GPR132: variants seen among roughly 807,000 people sequenced by gnomAD.
GPR132 encodes probable G protein-coupled receptor 132.
GPR132 carries 4 observed loss-of-function variants against 1.9 expected under a neutral mutation model. The ratio of observed to expected loss-of-function variants is 2.13; its 90% CI spans 1.05 to 4.87. The LOEUF (loss-of-function observed/expected upper bound fraction) is 4.87. GPR132 is among the 30% of genes most tolerant of loss of function. The pLI, the probability that GPR132 is intolerant of heterozygous loss-of-function variation, is 0.01. For missense variants in GPR132, 404 were observed against 512.5 expected, an observed-to-expected ratio of 0.79 and a Z score of 2.04; for synonymous variants, 233 against 234.2, an observed-to-expected ratio of 0.99 and a Z score of 0.05.
rs1886885762 is a variant in GPR132, at chr14:105,059,484, T to A, written c.-860-2204A>T. Among the ~76,000 whole-genome samples the A allele has an allele frequency of 6.6e-6, 1 of 152,146 alleles. No homozygotes were observed. Among genetic ancestry groups the A allele is most frequent in the African/African-American group, 2.4e-5 (1 of 41,424 alleles). On this transcript the variant is annotated intron_variant, in intron 1 of 3. Transcript: ENST00000329797. This position sits in a 1 kb window ranked among gnomAD's most constrained non-coding sequence, Gnocchi z 4.2. ...CTGGCGTTCTATTCAGTCATCCCTC[T>A]GCTCACTGAGACAGATGCATATTCT...
chr14:105,051,912 G>C lies in GPR132; in HGVS notation c.225C>G (p.Asn75Lys). ...WLALLQVLQG[N>K]VLAVYLLCLA... is the part of the protein sequence containing the mutation. ...GGCAGAGCAGGTAGACGGCCAGCAC[G>C]TTGCCCTGCAGTACCTGCAGCAGCG... Residue 75 changes from asparagine (N) to lysine (K), a missense_variant, in exon 4 of 4, where the codon AAC becomes AAG. By Grantham distance (94) the Asn-to-Lys change is moderately conservative. Coordinates refer to ENST00000329797, the MANE Select transcript of GPR132 (RefSeq NM_013345.4). This position sits in a 1 kb window ranked among gnomAD's most constrained non-coding sequence, Gnocchi z 8.0. 1 of 1,613,524 alleles carries C rather than the reference G, an allele frequency of 6.2e-7. No individual in the cohort carries two copies. Among genetic ancestry groups the C allele is most frequent in the Non-Finnish European group, 8.5e-7 (1 of 1,179,906 alleles).
At position 105,059,468 on chromosome 14, in the gene GPR132, T is replaced by C. The variant is rs1886885169; in HGVS notation, c.-860-2188A>G. On this transcript the variant is annotated intron_variant, in intron 1 of 3. Transcript: ENST00000329797. This position sits in a 1 kb window ranked among gnomAD's most constrained non-coding sequence, Gnocchi z 4.2. Reference sequence around the variant, plus strand: ...CTCAGCGCCGATCTGCCTGGCGTTCTATTCAGTCATCCCTCTGCTCACTGA... The same window carrying C: ...CTCAGCGCCGATCTGCCTGGCGTTCCATTCAGTCATCCCTCTGCTCACTGA... Among the ~76,000 whole-genome samples, 1 of 152,174 alleles carries C rather than the reference T, an allele frequency of 6.6e-6. No homozygotes were observed. The highest frequency in any genetic ancestry group is 6.5e-5 in the Admixed American group (1 of 15,286).
chr14:105,054,426 T>A, intron 3 of GPR132: 1 of 921,238 alleles, frequency 1.1e-6, no homozygotes, highest in Admixed American at 9.3e-5. Flanking sequence ...TCTTTTTTTT[T>A]CTTTTTTTTT....
intron 3 of GPR132, chr14:105,054,302 T>A: frequency 9.4e-7 from 1 of 1,067,964 alleles, no homozygotes; most frequent in Non-Finnish European, 1.1e-6. Flanking sequence ...ACCTTCCACA[T>A]GCAAATGTCG....
In GPR132 at chr14:105,060,931, C is replaced by A. The variant is rs1180935058; in HGVS notation, c.-860-3651G>T. 6.6e-6 allele frequency among the ~76,000 whole-genome samples: 1 copy of A among 152,246 alleles called. No homozygotes were observed. Among genetic ancestry groups the A allele is most frequent in the African/African-American group, 2.4e-5 (1 of 41,470 alleles). ...GCTCACAGCGAGGCCCCTCTGGGAT[C>A]CAGGCCTGTATGTTGAGAGCAGAGA... On this transcript the variant is annotated intron_variant, in intron 1 of 3. Coordinates refer to ENST00000329797, the MANE Select transcript of GPR132 (RefSeq NM_013345.4). The surrounding 1 kb of genome is among the most constrained non-coding windows in gnomAD (Gnocchi z 6.3).
intron 1 of GPR132, among the ~76,000 whole-genome samples, chr14:105,063,153 T>A (rs949191412): frequency 2.1e-4 from 32 of 152,146 alleles, no homozygotes; most frequent in African/African-American, 7.2e-4. Context: ...GCTCCTGGGC[T>A]CAAGAAATCC....
rs376245782 is a variant in GPR132 at position 105,051,476 on chromosome 14, G to A, written c.661C>T (p.Arg221Trp). The A allele has an allele frequency of 1.1e-5, 18 of 1,614,042 alleles. No homozygotes were observed. Among genetic ancestry groups the A allele is most frequent in the Middle Eastern group, 1.6e-4 (1 of 6,062 alleles). The change falls in exon 4 of 4, where the codon CGG becomes TGG. Residue 221 changes from arginine (R) to tryptophan (W), a missense_variant. Transcript: ENST00000329797. The surrounding 1 kb of genome is among the most constrained non-coding windows in gnomAD (Gnocchi z 8.0). ...CTCTGCTTGATGCTCCTGAAAATCC[G>A]GTGGTTGGTGAAGGCGATGATGGAG... The part of the protein sequence containing the change: ...PLSIIAFTNH[R>W]IFRSIKQSMG...
chr14:105,062,122 G>A lies in GPR132; in HGVS notation c.-861+3257C>T, dbSNP rs895921452. Among the ~76,000 whole-genome samples, 10 of 152,208 alleles carry A rather than the reference G, an allele frequency of 6.6e-5. 1 individual carries two copies. Among genetic ancestry groups the A allele is most frequent in the Non-Finnish European group, 1.2e-4 (8 of 68,040 alleles). On this transcript the variant is annotated intron_variant, in intron 1 of 3. Coordinates refer to ENST00000329797, the MANE Select transcript of GPR132 (RefSeq NM_013345.4). ...CATGATGGCCATGGTGAGGTCCCTC[G>A]GATGACTCCAGCCACAAGACCACAG...
In GPR132 at chr14:105,055,455, G is replaced by A. The variant is rs372588939; in HGVS notation, c.-35C>T. 12 of 779,876 alleles carry A rather than the reference G, an allele frequency of 1.5e-5. No individual in the cohort carries two copies. Among genetic ancestry groups the A allele is most frequent in the African/African-American group, 6.8e-5 (4 of 59,240 alleles). 48.3% of individuals were successfully genotyped at this position (779,876 alleles called of 1,614,324 possible). A position where few individuals can be genotyped will look rare whatever the true frequency, so the allele number is the denominator to read the frequency against. Reference sequence around the variant, plus strand: ...TCTGCAACCATCGCCAGCATCCGTCGGCAGAACCTTCTCATCTTCCCAAAC... The same window carrying A: ...TCTGCAACCATCGCCAGCATCCGTCAGCAGAACCTTCTCATCTTCCCAAAC... On this transcript the variant is annotated 5_prime_UTR_variant, in exon 3 of 4. An upstream open reading frame in the 5' UTR gains an earlier in-frame stop. Transcript: ENST00000329797. This position sits in a 1 kb window ranked among gnomAD's most constrained non-coding sequence, Gnocchi z 4.7.
At chr14:105,061,154 C>T (rs1375035517) in intron 1 of GPR132, among the ~76,000 whole-genome samples, 2 of 152,274 alleles carry the variant, frequency 1.3e-5, no homozygotes, top group Non-Finnish European at 2.9e-5. Context: ...GCCGGAGAGC[C>T]GGGTCCACTG....
chr14:105,060,380 A>C lies in GPR132; in HGVS notation c.-860-3100T>G, dbSNP rs1262837266. On this transcript the variant is annotated intron_variant, in intron 1 of 3. Transcript: ENST00000329797. The surrounding 1 kb of genome is among the most constrained non-coding windows in gnomAD (Gnocchi z 6.3). ...CCCAAGTGGGCTGGGGGCATGTCAG[A>C]GCCACCTGAGACCAGTCCTGTTCCT... is the stretch of plus-strand genomic sequence containing the variant. Among the ~76,000 whole-genome samples, 1 of 152,104 alleles carries C rather than the reference A, an allele frequency of 6.6e-6. No individual in the cohort carries two copies. Among genetic ancestry groups the C allele is most frequent in the Non-Finnish European group, 1.5e-5 (1 of 67,992 alleles).
rs1397830008 is a variant in GPR132 at position 105,056,773 on chromosome 14, A to G, written c.-747+394T>C. ...TCCTGCCACAAGTGACCTCCTGGGAAGAGAGCCTTCCTGGTGGGTCAGAAG... is the reference window on the plus strand; with the variant it reads ...TCCTGCCACAAGTGACCTCCTGGGAGGAGAGCCTTCCTGGTGGGTCAGAAG... On this transcript the variant is annotated intron_variant, in intron 2 of 3. Transcript: ENST00000329797. This position sits in a 1 kb window ranked among gnomAD's most constrained non-coding sequence, Gnocchi z 6.0. Among the ~76,000 whole-genome samples, 1 of 152,236 alleles carries G rather than the reference A, an allele frequency of 6.6e-6. No homozygotes were observed. Among genetic ancestry groups the G allele is most frequent in the Non-Finnish European group, 1.5e-5 (1 of 68,028 alleles).
At chr14:105,061,491 C>G (rs1274074015) in intron 1 of GPR132, among the ~76,000 whole-genome samples, 1 of 152,246 alleles carries the variant, frequency 6.6e-6, no homozygotes, top group African/African-American at 2.4e-5. Context: ...CTCCGGCCAG[C>G]CCAGTGGCCC....
intron 1 of GPR132, among the ~76,000 whole-genome samples, chr14:105,064,195 C>T (rs1452802966): frequency 6.6e-6 from 1 of 152,132 alleles, no homozygotes; most frequent in African/African-American, 2.4e-5. Context: ...TAGCCATTTC[C>T]GTCTTTTACT....
Position 105,051,656 on chromosome 14 carries a change from G to A in GPR132, c.481C>T (p.Leu161Phe), listed in dbSNP as rs745355900. Residue 161 changes from leucine to phenylalanine, a missense_variant, in exon 4 of 4, where the codon CTC becomes TTC. Transcript: ENST00000329797. The surrounding 1 kb of genome is among the most constrained non-coding windows in gnomAD (Gnocchi z 8.0). ...AGGATGAAGATGCAGGCGGAGATGA[G>A]GATGGCGGTCCTCCGGCGGCGGCGG... ...RGRRRRRTAI[L>F]ISACIFILVG... 1 of 1,613,902 alleles carries A rather than the reference G, an allele frequency of 6.2e-7. No individual in the cohort carries two copies. Among genetic ancestry groups the A allele is most frequent in the Non-Finnish European group, 8.5e-7 (1 of 1,180,038 alleles).
At chr14:105,058,567 C>T (rs972100514) in intron 1 of GPR132, among the ~76,000 whole-genome samples, 5 of 152,244 alleles carry the variant, frequency 3.3e-5, no homozygotes, top group African/African-American at 7.2e-5. Flanking sequence ...TGAATTGGCT[C>T]GCAGCAAAAT....
chr14:105,064,493 C>G (rs975091425), intron 1 of GPR132, among the ~76,000 whole-genome samples: 2 of 152,064 alleles, frequency 1.3e-5, no homozygotes, highest in African/African-American at 2.4e-5. Context: ...GCCAACACGC[C>G]CGGCTAATTT....
intron 3 of GPR132, among the ~76,000 whole-genome samples, chr14:105,052,680 G>A (rs548454625): frequency 4.0e-5 from 6 of 151,838 alleles, no homozygotes; most frequent in East Asian, 2.0e-4. Flanking sequence ...CTTCTGGCCC[G>A]GCATGGTGGC....
intron 1 of GPR132, among the ~76,000 whole-genome samples, chr14:105,062,368 C>T (rs2140936614): frequency 6.6e-6 from 1 of 152,212 alleles, no homozygotes; most frequent in East Asian, 1.9e-4. Context: ...TCCACTGCTC[C>T]CTGGACTTCT....
Sources: gnomAD v4.1 joint callset for allele counts (sites outside exome capture counted in the v4.1 genomes callset) on GRCh38, gnomAD v4.1.1 for gene constraint, Gnocchi (gnomAD v3.1) non-coding constraint, MANE v1.5 for transcripts, NCBI Gene and HGNC (gene_info 2026-07-23, HGNC 2026-07-21) for gene names.